The following MOB3B variants were observed in gnomAD, a reference collection of about 807,000 sequenced individuals.
The protein encoded by MOB3B is MOB kinase activator 3B, also known as MOB kinase activator-like 2B.
In MOB3B, 7 loss-of-function variants were observed where a neutral mutation model predicts 18.7. The ratio of observed to expected loss-of-function variants is 0.37; its 90% CI spans 0.21 to 0.70. MOB3B has a LOEUF of 0.70. Ranked by LOEUF, MOB3B falls within the 30% of genes least tolerant of loss-of-function variation. MOB3B has a pLI of 0.52. For missense variants in MOB3B, 253 were observed against 281.3 expected (o/e 0.90, Z 0.72); for synonymous variants, 111 against 99.9 (o/e 1.11, Z -0.66).
intron 2 of MOB3B, among the ~76,000 whole-genome samples, chr9:27,448,245 T>C (rs796126431): frequency 2.6e-5 from 4 of 152,342 alleles, no homozygotes; most frequent in African/African-American, 9.6e-5. Flanking sequence ...GTCTTAGTTT[T>C]CTCATCTGTG....
intron 2 of MOB3B, among the ~76,000 whole-genome samples, chr9:27,382,452 T>C (rs911972331): frequency 1.3e-5 from 2 of 152,106 alleles, no homozygotes; most frequent in Admixed American, 1.3e-4. Context: ...GAAAGATGTG[T>C]GCTGTTTAGA....
chr9:27,510,447 G>A (rs1037175887), intron 1 of MOB3B, among the ~76,000 whole-genome samples: 3 of 152,104 alleles, frequency 2.0e-5, no homozygotes, highest in African/African-American at 7.2e-5. Context: ...GATACACAAA[G>A]TATGTTCCCC....
At chr9:27,421,425 G>C (rs1488059427) in intron 2 of MOB3B, 7 of 152,320 alleles carry the variant, frequency 4.6e-5, no homozygotes, top group Non-Finnish European at 1.0e-4. Flanking sequence ...AAAGAATTGA[G>C]GCACACAGCC....
chr9:27,416,418 G>A (rs1822149103), intron 2 of MOB3B, among the ~76,000 whole-genome samples: 2 of 151,992 alleles, frequency 1.3e-5, no homozygotes. Flanking sequence ...TTTGATGGAG[G>A]GGTGGGCTGC....
At chr9:27,378,519 T>C (rs190260035) in intron 2 of MOB3B, 17 of 471,070 alleles carry the variant, frequency 3.6e-5, no homozygotes, top group Admixed American at 1.6e-4. Flanking sequence ...CCCAGAACTA[T>C]TGGAACCAGG....
At position 27,381,958 on chromosome 9, in the gene MOB3B, T is replaced by C. The variant is rs186212332; in HGVS notation, c.419-22722A>G. ...AAGTCTGGAAAAAGTAACATTAAAT[T>C]GATGAGGGGTGGACATTAACCTGAT... On this transcript the variant is annotated intron_variant, in intron 2 of 3. Transcript: ENST00000262244. Among the ~76,000 whole-genome samples, 165 of 152,198 alleles carry C rather than the reference T, an allele frequency of 1.1e-3. 2 individuals are homozygous for C. The highest frequency in any genetic ancestry group is 3.7e-4 in the Non-Finnish European group (25 of 68,000).
At chr9:27,453,591 C>A (rs1263480236) in intron 2 of MOB3B, among the ~76,000 whole-genome samples, 1 of 152,104 alleles carries the variant, frequency 6.6e-6, no homozygotes, top group Non-Finnish European at 1.5e-5. Context: ...TCAAGTAACA[C>A]ACCATGGCTT....
intron 2 of MOB3B, among the ~76,000 whole-genome samples, chr9:27,366,599 G>T (rs1821345715): frequency 6.6e-6 from 1 of 152,186 alleles, no homozygotes; most frequent in African/African-American, 2.4e-5. Flanking sequence ...CCAGGAGACT[G>T]GGGGGTGGGG....
At chr9:27,452,389 T>C (rs1822803503) in intron 2 of MOB3B, among the ~76,000 whole-genome samples, 1 of 152,118 alleles carries the variant, frequency 6.6e-6, no homozygotes, top group Non-Finnish European at 1.5e-5. Flanking sequence ...GAGAATTCAC[T>C]AGACAGAGAA....
chr9:27,480,534 T>G (rs1819634087), intron 1 of MOB3B, among the ~76,000 whole-genome samples: 1 of 152,240 alleles, frequency 6.6e-6, no homozygotes, highest in East Asian at 1.9e-4. Flanking sequence ...TCTCCTGACC[T>G]TGTGATCCGA....
At chr9:27,501,924 A>G (rs1247944716) in intron 1 of MOB3B, among the ~76,000 whole-genome samples, 1 of 152,218 alleles carries the variant, frequency 6.6e-6, no homozygotes, top group African/African-American at 2.4e-5. Flanking sequence ...AATTTTAAAT[A>G]TTACAGTTCA....
chr9:27,336,494 G>A (rs73643188), intron 3 of MOB3B, among the ~76,000 whole-genome samples: 1,837 of 152,208 alleles, frequency 0.012, 32 homozygotes, highest in African/African-American at 0.042. Flanking sequence ...AGAAGGCTCC[G>A]CAGTGTGGTA....
chr9:27,439,687 T>G (rs977482123), intron 2 of MOB3B, among the ~76,000 whole-genome samples: 2 of 152,184 alleles, frequency 1.3e-5, no homozygotes, highest in African/African-American at 4.8e-5. Context: ...ATCCTTTTAC[T>G]TTTTCCCCCT....
At chr9:27,465,851 A>G (rs1363217985) in intron 1 of MOB3B, among the ~76,000 whole-genome samples, 1 of 152,202 alleles carries the variant, frequency 6.6e-6, no homozygotes, top group Non-Finnish European at 1.5e-5. Flanking sequence ...TGGCTGGGAC[A>G]CAGGGCACCA....
chr9:27,401,516 T>C (rs529733593), intron 2 of MOB3B, among the ~76,000 whole-genome samples: 8 of 152,260 alleles, frequency 5.3e-5, no homozygotes, highest in South Asian at 2.1e-4. Flanking sequence ...TGAGCAAAGA[T>C]AGATGATCTG....
intron 3 of MOB3B, among the ~76,000 whole-genome samples, chr9:27,332,139 C>A (rs1436302210): frequency 6.6e-6 from 1 of 152,126 alleles, no homozygotes; most frequent in African/African-American, 2.4e-5. Flanking sequence ...ACTATAGGCA[C>A]ACAACACCAC....
At chr9:27,524,784 T>A (rs767763315) in intron 1 of MOB3B, 10 of 1,613,818 alleles carry the variant, frequency 6.2e-6, no homozygotes, top group Non-Finnish European at 8.5e-6. Context: ...GATGAAACCC[T>A]CAGAAGCCAG....
intron 1 of MOB3B, among the ~76,000 whole-genome samples, chr9:27,458,742 G>C (rs1819230601): frequency 6.6e-6 from 1 of 151,750 alleles, no homozygotes; most frequent in South Asian, 2.1e-4. Flanking sequence ...ATTTTGTAGA[G>C]ACATGGTCTC....
At chr9:27,374,216 ATTTT>A (rs34635444) in intron 2 of MOB3B, among the ~76,000 whole-genome samples, 9,661 of 148,714 alleles carry the variant, frequency 0.065, 438 homozygotes, top group South Asian at 0.15. Context: ...TGTCTGAAGT[ATTTT>A]TTTTTTTTTT....
Sources: gnomAD v4.1 joint callset for allele counts (sites outside exome capture counted in the v4.1 genomes callset) on GRCh38, gnomAD v4.1.1 for gene constraint, MANE v1.5 for transcripts, NCBI Gene and HGNC (gene_info 2026-07-23, HGNC 2026-07-21) for gene names.